Variants in NALF1 observed in about 807,000 individuals in gnomAD.
NALF1 encodes the protein family with sequence similarity 155 member A.
A neutral mutation model predicts 48.4 loss-of-function variants in NALF1; 3 were observed. The ratio of observed to expected loss-of-function variants is 0.06; its 90% CI spans 0.03 to 0.16. The LOEUF is 0.16. NALF1 is among the 10% of genes least tolerant of loss of function. The pLI is 1.00. For synonymous variants in NALF1, 262 were observed against 245.7 expected, an observed-to-expected ratio of 1.07 and a Z score of -0.62; for missense variants, 526 against 571.5, an observed-to-expected ratio of 0.92 and a Z score of 0.81.
rs1880745698 is a variant in NALF1, at chr13:107,866,729, TTC to T, written c.-135_-134del. The T allele has an allele frequency of 4.9e-6, 3 of 615,350 alleles. No individual in the cohort carries two copies. Among genetic ancestry groups the T allele is most frequent in the Admixed American group, 3.0e-5 (1 of 32,980 alleles). 38.1% of individuals were successfully genotyped at this position (615,350 alleles called of 1,614,324 possible). On this transcript the variant is annotated 5_prime_UTR_variant, in exon 1 of 3. Coordinates refer to ENST00000375915, the MANE Select transcript of NALF1 (RefSeq NM_001080396.3). The surrounding 1 kb of genome is among the most constrained non-coding windows in gnomAD (Gnocchi z 4.4). ...CGTTTCTTCTCTCTCCTCTCTCTCT[TTC>T]TCTCTCTTCCCCTCTCCCTCTCTCC...
intron 1 of NALF1, among the ~76,000 whole-genome samples, chr13:107,431,313 C>T (rs1409707613): frequency 6.6e-6 from 1 of 152,158 alleles, no homozygotes; most frequent in Non-Finnish European, 1.5e-5. Context: ...GAGTGGGTCT[C>T]TCCGTTTGCT....
At chr13:107,241,215 GTGTGTATATATATA>G (rs1001148296) in intron 1 of NALF1, among the ~76,000 whole-genome samples, 1 of 151,952 alleles carries the variant, frequency 6.6e-6, no homozygotes, top group Non-Finnish European at 1.5e-5. Context: ...TGACTTCTAA[GTGTGTATATATATA>G]TGCACACACT....
At chr13:107,379,401 T>A (rs567182893) in intron 1 of NALF1, among the ~76,000 whole-genome samples, 2 of 152,210 alleles carry the variant, frequency 1.3e-5, no homozygotes, top group Non-Finnish European at 2.9e-5. Flanking sequence ...CTCGAGAATT[T>A]CTATGTTTCT....
chr13:107,603,719 C>T (rs1372182580), intron 1 of NALF1, among the ~76,000 whole-genome samples: 2 of 152,182 alleles, frequency 1.3e-5, no homozygotes, highest in African/African-American at 4.8e-5. Flanking sequence ...CACCAGTGAA[C>T]CATGGTATCT....
At chr13:107,407,082 CAG>C (rs1883912306) in intron 1 of NALF1, among the ~76,000 whole-genome samples, 1 of 151,900 alleles carries the variant, frequency 6.6e-6, no homozygotes, top group Admixed American at 6.6e-5. Flanking sequence ...GAATGAAACT[CAG>C]ACCCCCATCG....
At chr13:107,247,291 T>C (rs565812185) in intron 1 of NALF1, among the ~76,000 whole-genome samples, 6 of 152,316 alleles carry the variant, frequency 3.9e-5, no homozygotes, top group African/African-American at 1.4e-4. Flanking sequence ...TAAAAATCCA[T>C]TTATTTTAAA....
At chr13:107,294,585 T>C (rs1033498348) in intron 1 of NALF1, among the ~76,000 whole-genome samples, 1 of 152,202 alleles carries the variant, frequency 6.6e-6, no homozygotes, top group African/African-American at 2.4e-5. Flanking sequence ...CTTTCCAGAT[T>C]TTCATTCATA....
intron 1 of NALF1, among the ~76,000 whole-genome samples, chr13:107,676,610 AATTT>A (rs1171701773): frequency 1.5e-5 from 2 of 135,372 alleles, no homozygotes; most frequent in African/African-American, 2.7e-5. Flanking sequence ...TAATTTAATT[AATTT>A]AATTAATTAA....
chr13:107,850,041 T>C (rs180932010), intron 1 of NALF1, among the ~76,000 whole-genome samples: 8 of 152,320 alleles, frequency 5.3e-5, no homozygotes, highest in Non-Finnish European at 7.4e-5. Context: ...CACCAAGTAA[T>C]ATGACAAAAA....
intron 1 of NALF1, among the ~76,000 whole-genome samples, chr13:107,405,030 T>G (rs1225535372): frequency 1.3e-5 from 2 of 152,112 alleles, no homozygotes; most frequent in East Asian, 3.9e-4. Flanking sequence ...TTTACAATTA[T>G]CCTTTCAAAC....
intron 1 of NALF1, among the ~76,000 whole-genome samples, chr13:107,750,012 G>A (rs1373176613): frequency 1.3e-5 from 2 of 152,068 alleles, no homozygotes; most frequent in Non-Finnish European, 2.9e-5. Flanking sequence ...TAGAGACAGG[G>A]TTTCACCATC....
chr13:107,635,928 T>C (rs752029159), intron 1 of NALF1, among the ~76,000 whole-genome samples: 23 of 152,206 alleles, frequency 1.5e-4, no homozygotes, highest in Non-Finnish European at 1.2e-4. Flanking sequence ...CTCAATAAAA[T>C]TGGGGGATGT....
chr13:107,306,473 A>G (rs960495338), intron 1 of NALF1, among the ~76,000 whole-genome samples: 1 of 152,166 alleles, frequency 6.6e-6, no homozygotes, highest in Non-Finnish European at 1.5e-5. Flanking sequence ...TGATACTTCA[A>G]TGATTTGCAA....
chr13:107,719,583 A>C (rs554618165), intron 1 of NALF1, among the ~76,000 whole-genome samples: 1 of 152,092 alleles, frequency 6.6e-6, no homozygotes, highest in Non-Finnish European at 1.5e-5. Context: ...TAGATGTCCA[A>C]GTAGAACTCA....
chr13:107,721,486 T>C (rs1466516711), intron 1 of NALF1, among the ~76,000 whole-genome samples: 1 of 152,190 alleles, frequency 6.6e-6, no homozygotes, highest in East Asian at 1.9e-4. Flanking sequence ...TTATTTCAAG[T>C]TCTATATGTT....
chr13:107,326,133 G>T (rs1882361175), intron 1 of NALF1, among the ~76,000 whole-genome samples: 1 of 151,584 alleles, frequency 6.6e-6, no homozygotes, highest in Non-Finnish European at 1.5e-5. Context: ...CAATTTTGAA[G>T]GCAGAAATGC....
At chr13:107,421,334 G>A (rs144857302) in intron 1 of NALF1, among the ~76,000 whole-genome samples, 1,969 of 152,158 alleles carry the variant, frequency 0.013, 18 homozygotes, top group South Asian at 0.029. Context: ...AACTGCTCTA[G>A]TATATCTTAC....
At chr13:107,769,652 G>C (rs1417602633) in intron 1 of NALF1, among the ~76,000 whole-genome samples, 1 of 150,080 alleles carries the variant, frequency 6.7e-6, no homozygotes, top group African/African-American at 2.5e-5. Flanking sequence ...TAACTAACCT[G>C]CACAATGTGC....
chr13:107,237,806 T>C (rs1343580088), intron 1 of NALF1, among the ~76,000 whole-genome samples: 4 of 152,228 alleles, frequency 2.6e-5, no homozygotes, highest in African/African-American at 2.4e-5. Context: ...TAATATTATA[T>C]GCATATATGT....
Sources: allele counts gnomAD v4.1 joint callset (sites outside exome capture counted in the v4.1 genomes callset), GRCh38; gene constraint gnomAD v4.1.1; non-coding constraint Gnocchi (gnomAD v3.1); transcripts MANE v1.5; gene names NCBI Gene and HGNC (gene_info 2026-07-23, HGNC 2026-07-21).